DNM3: variants seen among roughly 807,000 people sequenced by gnomAD.
The protein encoded by DNM3 is dynamin 3, also known as dynamin-3.
A neutral mutation model predicts 101.6 loss-of-function variants in DNM3; 47 were observed. The observed-to-expected ratio is 0.46, with a 90% CI of 0.37 to 0.59. DNM3 has a LOEUF of 0.59. DNM3 is among the 20% of genes least tolerant of loss of function. DNM3 has a pLI of 0.00. For synonymous variants in DNM3, 385 were observed against 387.9 expected (o/e 0.99, Z 0.09); for missense variants, 849 against 1,085.7 (o/e 0.78, Z 3.06).
At position 172,067,030 on chromosome 1, in the gene DNM3, C is replaced by T. The variant is rs182629584; in HGVS notation, c.1336-1789C>T. ...TTGATACATAATGTCAAATTGCTTT[C>T]CAGAAAGATTTCTCTTCTTGACACC... On this transcript the variant is annotated intron_variant, in intron 10 of 20. Transcript: ENST00000627582. Among the ~76,000 whole-genome samples the T allele has an allele frequency of 7.8e-4, 118 of 151,718 alleles. 1 individual carries two copies. The highest frequency in any genetic ancestry group is 1.2e-3 in the Non-Finnish European group (82 of 67,948).
intron 9 of DNM3, among the ~76,000 whole-genome samples, chr1:172,046,649 G>A (rs1053563586): frequency 6.6e-6 from 1 of 152,064 alleles, no homozygotes; most frequent in Non-Finnish European, 1.5e-5. Flanking sequence ...AGTTTACAAA[G>A]TGAAGAGGAG....
intron 15 of DNM3, among the ~76,000 whole-genome samples, chr1:172,294,366 T>TGTCCAA (rs1380354618): frequency 2.0e-5 from 3 of 152,220 alleles, no homozygotes; most frequent in African/African-American, 7.2e-5. Flanking sequence ...AAATAAGCAC[T>TGTCCAA]GTCCAAGTTT....
chr1:172,315,351 G>A (rs549234769), intron 16 of DNM3, among the ~76,000 whole-genome samples: 54 of 152,172 alleles, frequency 3.5e-4, no homozygotes, highest in Non-Finnish European at 6.0e-4. Flanking sequence ...CCAAAGGAAC[G>A]CAGTTCCTCA....
Position 172,410,203 on chromosome 1 carries a change from T to A in DNM3, c.*2362T>A, listed in dbSNP as rs909756536. 8.1e-6 allele frequency: 8 copies of A among 985,270 alleles called. No homozygotes were observed. In the African/African-American group the frequency reaches 1.2e-4, roughly 15 times the overall value. The allele number at this position is 985,270 out of a possible 1,614,324, so 61.0% of individuals were successfully genotyped here. A position where few individuals can be genotyped will look rare whatever the true frequency, so the allele number is the denominator to read the frequency against. On this transcript the variant is annotated 3_prime_UTR_variant, in exon 21 of 21. Coordinates refer to ENST00000627582, the MANE Select transcript of DNM3 (RefSeq NM_015569.5). The stretch of plus-strand genomic sequence containing the variant: ...TCATATTATTAGTATGAATCTCATT[T>A]CCCAAAGGGTTTGTATTCTGCTAAA...
At chr1:172,207,235 G>C (rs1572953145) in intron 14 of DNM3, among the ~76,000 whole-genome samples, 1 of 152,014 alleles carries the variant, frequency 6.6e-6, no homozygotes, top group East Asian at 1.9e-4. Flanking sequence ...GATGCCTAGG[G>C]TTCCAGTGTT....
intron 17 of DNM3, among the ~76,000 whole-genome samples, chr1:172,353,861 T>C (rs1054239308): frequency 8.5e-5 from 13 of 152,148 alleles, no homozygotes; most frequent in African/African-American, 3.1e-4. Flanking sequence ...TTTATATGAC[T>C]AGTGTACAGT....
chr1:172,201,024 T>C (rs2060133847), intron 14 of DNM3, among the ~76,000 whole-genome samples: 1 of 152,164 alleles, frequency 6.6e-6, no homozygotes, highest in South Asian at 2.1e-4. Flanking sequence ...CAGTATAGAT[T>C]GAGTACAGTC....
intron 1 of DNM3, among the ~76,000 whole-genome samples, chr1:171,853,186 C>T (rs553774083): frequency 6.6e-6 from 1 of 151,288 alleles, no homozygotes; most frequent in South Asian, 2.1e-4. Context: ...TTTTTTGAGA[C>T]AGGCTCTAGC....
At chr1:172,016,391 C>T (rs917567148) in intron 4 of DNM3, among the ~76,000 whole-genome samples, 2 of 149,988 alleles carry the variant, frequency 1.3e-5, no homozygotes, top group Admixed American at 6.7e-5. Flanking sequence ...GTGATTTTTT[C>T]CCCTGCTTTA....
chr1:172,180,314 G>A (rs951908364), intron 14 of DNM3, among the ~76,000 whole-genome samples: 1 of 152,002 alleles, frequency 6.6e-6, no homozygotes, highest in Admixed American at 6.6e-5. Flanking sequence ...AATTTCACTC[G>A]TTAGATCCTG....
intron 2 of DNM3, among the ~76,000 whole-genome samples, chr1:171,977,311 T>A (rs1418019239): frequency 6.6e-6 from 1 of 152,164 alleles, no homozygotes; most frequent in Non-Finnish European, 1.5e-5. Flanking sequence ...ACTCAGACCA[T>A]GCATACTGGG....
chr1:171,855,735 T>C (rs1231507241), intron 1 of DNM3, among the ~76,000 whole-genome samples: 1 of 152,118 alleles, frequency 6.6e-6, no homozygotes, highest in African/African-American at 2.4e-5. Context: ...TTTTTTCTTG[T>C]AAATTTGTTT....
chr1:172,379,298 G>A, intron 18 of DNM3, 116 bp downstream of exon 18: 1 of 936,676 alleles, frequency 1.1e-6, no homozygotes, highest in Admixed American at 3.0e-5. Context: ...ATATTACCCA[G>A]GTTCATCATT....
chr1:171,922,770 G>A (rs1330930982), intron 2 of DNM3, among the ~76,000 whole-genome samples: 1 of 152,094 alleles, frequency 6.6e-6, no homozygotes, highest in East Asian at 1.9e-4. Context: ...TCCCTATTCT[G>A]GACATGTCAT....
intron 15 of DNM3, among the ~76,000 whole-genome samples, chr1:172,268,626 C>T (rs554225200): frequency 2.0e-5 from 3 of 152,122 alleles, no homozygotes; most frequent in Non-Finnish European, 4.4e-5. Context: ...CACACCCAGA[C>T]AGAAATCAAA....
chr1:171,933,922 TAG>T (rs1223634562), intron 2 of DNM3, among the ~76,000 whole-genome samples: 1 of 152,196 alleles, frequency 6.6e-6, no homozygotes, highest in Non-Finnish European at 1.5e-5. Context: ...CTTTTAGCGG[TAG>T]AGAGTTAAGG....
intron 4 of DNM3, among the ~76,000 whole-genome samples, chr1:172,024,071 G>T (rs572876169): frequency 6.6e-6 from 1 of 151,750 alleles, no homozygotes. Flanking sequence ...TGATCAAGTT[G>T]TATTCTGTAT....
intron 20 of DNM3, among the ~76,000 whole-genome samples, chr1:172,396,037 G>A (rs533555049): frequency 3.9e-5 from 6 of 152,356 alleles, no homozygotes; most frequent in East Asian, 1.9e-4. Context: ...TATTTGCGCC[G>A]TCTCCTCATG....
intron 1 of DNM3, among the ~76,000 whole-genome samples, chr1:171,857,122 A>T (rs745676083): frequency 6.6e-6 from 1 of 152,152 alleles, no homozygotes; most frequent in Non-Finnish European, 1.5e-5. Context: ...AGGAATTGGT[A>T]CTGAATTTAG....
Sources: allele counts gnomAD v4.1 joint callset (sites outside exome capture counted in the v4.1 genomes callset), GRCh38; gene constraint gnomAD v4.1.1; transcripts MANE v1.5; gene names NCBI Gene and HGNC (gene_info 2026-07-23, HGNC 2026-07-21).